The following NTM variants were observed in gnomAD, a reference collection of about 807,000 sequenced individuals.
NTM encodes the protein neurotrimin, also known as IgLON family member 2.
Under a neutral mutation model 42.1 loss-of-function variants are expected in NTM, and 13 were observed. The ratio of observed to expected loss-of-function variants is 0.31; its 90% CI spans 0.20 to 0.49. NTM has a LOEUF of 0.49. NTM is among the 20% of genes least tolerant of loss of function. The pLI is 0.99. For missense variants in NTM, 373 were observed against 452.8 expected (o/e 0.82, Z 1.60); for synonymous variants, 187 against 179.2 (o/e 1.04, Z -0.35).
intron 4 of NTM, among the ~76,000 whole-genome samples, chr11:132,263,889 C>G (rs763252105): frequency 6.6e-6 from 1 of 152,180 alleles, no homozygotes; most frequent in Non-Finnish European, 1.5e-5. Context: ...TTTTACCATT[C>G]ATATTTCTAC....
Position 131,498,784 on chromosome 11 carries a change from G to T in NTM, c.82+127896G>T, listed in dbSNP as rs191551951. Among the ~76,000 whole-genome samples, 27 of 152,300 alleles carry T rather than the reference G, an allele frequency of 1.8e-4. 1 individual carries two copies. The East Asian group carries it at 3.9e-3, about 22-fold the overall frequency. ...GGCCCAAAGCTGCCAGGAGGGGGTG[G>T]CCACTTGCTGGGCTCCTCATTTGAT... On this transcript the variant is annotated intron_variant, in intron 1 of 8. Coordinates refer to ENST00000683400, the MANE Select transcript of NTM (RefSeq NM_001352005.2).
chr11:131,598,703 CTT>C (rs1199590280), intron 1 of NTM, among the ~76,000 whole-genome samples: 1,750 of 44,214 alleles, frequency 0.04, 121 homozygotes, highest in East Asian at 0.12. Context: ...TTCTTTCTTT[CTT>C]TCTTTCTTTC....
intron 1 of NTM, among the ~76,000 whole-genome samples, chr11:131,517,791 C>G (rs2049089098): frequency 6.6e-6 from 1 of 152,118 alleles, no homozygotes; most frequent in African/African-American, 2.4e-5. Context: ...CCAGCCAGCC[C>G]CCACTCTTTT....
chr11:131,616,765 A>G (rs2061973175), intron 1 of NTM, among the ~76,000 whole-genome samples: 1 of 124,586 alleles, frequency 8.0e-6, no homozygotes, highest in Non-Finnish European at 1.6e-5. Flanking sequence ...TTACAAGCAC[A>G]CTGTCTTGAG....
chr11:131,604,383 C>A (rs2060750430), intron 1 of NTM, among the ~76,000 whole-genome samples: 1 of 151,976 alleles, frequency 6.6e-6, no homozygotes, highest in Admixed American at 6.6e-5. Flanking sequence ...GAGTATTTGC[C>A]TTATTATTGA....
intron 1 of NTM, among the ~76,000 whole-genome samples, chr11:131,558,653 G>A (rs2055782875): frequency 6.6e-6 from 1 of 152,184 alleles, no homozygotes; most frequent in African/African-American, 2.4e-5. Context: ...CAATGTCCTA[G>A]TAACCCAGGC....
At chr11:131,633,619 CCCTCTCTCT>C (rs2063908096) in intron 1 of NTM, among the ~76,000 whole-genome samples, 3 of 51,720 alleles carry the variant, frequency 5.8e-5, no homozygotes, top group South Asian at 5.2e-4. Flanking sequence ...CTCACTCTCT[CCCTCTCTCT>C]ATCTCTGCCT....
chr11:131,956,740 G>T (rs1471074348), intron 2 of NTM, among the ~76,000 whole-genome samples: 1 of 152,158 alleles, frequency 6.6e-6, no homozygotes, highest in Non-Finnish European at 1.5e-5. Context: ...TAGCTTGCCA[G>T]GGGAAACTGG....
intron 1 of NTM, among the ~76,000 whole-genome samples, chr11:131,778,633 C>T (rs1312418844): frequency 6.6e-6 from 1 of 152,170 alleles, no homozygotes; most frequent in Non-Finnish European, 1.5e-5. Flanking sequence ...TAAAAACTAG[C>T]TCTAGCATAT....
At chr11:132,228,535 T>C (rs947780276) in intron 4 of NTM, among the ~76,000 whole-genome samples, 2 of 152,174 alleles carry the variant, frequency 1.3e-5, no homozygotes, top group African/African-American at 2.4e-5. Flanking sequence ...GGAAAGCCAG[T>C]TGATTGATAG....
chr11:131,845,924 T>C (rs2044847924), intron 1 of NTM, among the ~76,000 whole-genome samples: 1 of 152,180 alleles, frequency 6.6e-6, no homozygotes, highest in Admixed American at 6.5e-5. Context: ...ATAAGTGATC[T>C]GTGGAGCATT....
At chr11:131,773,217 A>G (rs1527777) in intron 1 of NTM, among the ~76,000 whole-genome samples, 76,239 of 152,030 alleles carry the variant, frequency 0.5, 19,340 homozygotes, top group East Asian at 0.63. Context: ...CGGAGGGGCC[A>G]AGGCTGTGTC....
At chr11:132,121,831 ATTC>A (rs1261924591) in intron 2 of NTM, among the ~76,000 whole-genome samples, 2 of 152,190 alleles carry the variant, frequency 1.3e-5, no homozygotes, top group Admixed American at 6.5e-5. Flanking sequence ...TTAGAGTTCA[ATTC>A]TTCTGCTCCT....
intron 1 of NTM, among the ~76,000 whole-genome samples, chr11:131,631,154 A>G (rs887041897): frequency 2.0e-5 from 3 of 152,042 alleles, no homozygotes; most frequent in African/African-American, 7.2e-5. Flanking sequence ...CAATTTGGTT[A>G]CTCTCCCTGG....
At chr11:131,725,643 C>T (rs2078872519) in intron 1 of NTM, among the ~76,000 whole-genome samples, 1 of 152,116 alleles carries the variant, frequency 6.6e-6, no homozygotes, top group African/African-American at 2.4e-5. Context: ...GAGGAAGGGA[C>T]AGTGAGGGCC....
chr11:131,460,399 A>G (rs1257440373), intron 1 of NTM, among the ~76,000 whole-genome samples: 1 of 152,216 alleles, frequency 6.6e-6, no homozygotes, highest in African/African-American at 2.4e-5. Flanking sequence ...TAAAATTTTT[A>G]GTATTCGGAA....
At chr11:131,997,529 G>A (rs1220521899) in intron 2 of NTM, among the ~76,000 whole-genome samples, 2 of 152,140 alleles carry the variant, frequency 1.3e-5, no homozygotes, top group Non-Finnish European at 2.9e-5. Flanking sequence ...GCGGGCAGTG[G>A]GTTTGCAGGC....
At chr11:132,316,609 G>T (rs755390830) in intron 7 of NTM, among the ~76,000 whole-genome samples, 4 of 152,162 alleles carry the variant, frequency 2.6e-5, no homozygotes, top group Non-Finnish European at 5.9e-5. Flanking sequence ...TAAATCTCTA[G>T]GGGAGAAAAA....
intron 1 of NTM, among the ~76,000 whole-genome samples, chr11:131,699,355 C>T (rs750860964): frequency 6.6e-5 from 10 of 152,172 alleles, no homozygotes; most frequent in Non-Finnish European, 1.3e-4. Flanking sequence ...CTGATATAAG[C>T]TTATAATCTA....
Sources: allele counts gnomAD v4.1 joint callset (sites outside exome capture counted in the v4.1 genomes callset), GRCh38; gene constraint gnomAD v4.1.1; transcripts MANE v1.5; gene names NCBI Gene and HGNC (gene_info 2026-07-23, HGNC 2026-07-21).